The following PUDP variants were observed in gnomAD, a reference collection of about 807,000 sequenced individuals.
PUDP encodes pseudouridine-5'-phosphatase.
PUDP carries 8 observed loss-of-function variants against 9.4 expected under a neutral mutation model. The ratio of observed to expected loss-of-function variants is 0.85; its 90% CI spans 0.50 to 1.53. The LOEUF is 1.53. PUDP is among the 40% of genes most tolerant of loss of function. The pLI is 0.00. For synonymous variants in PUDP, 99 were observed against 80.7 expected, an observed-to-expected ratio of 1.23 and a Z score of -1.22; for missense variants, 188 against 189.7, an observed-to-expected ratio of 0.99 and a Z score of 0.05.
intron 1 of PUDP, among the ~76,000 whole-genome samples, chrX:6,710,504 A>T (rs750513696): frequency 3.0e-4 from 34 of 111,973 alleles, no homozygotes; most frequent in Non-Finnish European, 1.7e-4. Context: ...CAGGACTCAC[A>T]TCCCCTAAGT....
chrX:6,838,034 A>G (rs1218656930), intron 3 of PUDP, among the ~76,000 whole-genome samples: 1 of 112,099 alleles, frequency 8.9e-6, no homozygotes, highest in Admixed American at 9.5e-5. Flanking sequence ...AAATAAAGAC[A>G]AAATAATTTT....
rs1450490348 is a variant in PUDP, at chrX:7,148,140, G to GGCGAGGAGGAAGTGCGCGC, written c.-28_-27insGCGCGCACTTCCTCCTCGC. The GGCGAGGAGGAAGTGCGCGC allele has an allele frequency of 2.0e-5, 21 of 1,068,848 alleles. No individual in the cohort carries two copies. Among genetic ancestry groups the GGCGAGGAGGAAGTGCGCGC allele is most frequent in the Non-Finnish European group, 2.5e-5 (20 of 804,545 alleles). The allele number at this position is 1,068,848 out of a possible 1,213,427, so 88.1% of individuals were successfully genotyped here. On this transcript the variant is annotated 5_prime_UTR_variant, in exon 1 of 4. Coordinates refer to ENST00000381077, the MANE Select transcript of PUDP (RefSeq NM_012080.5). The stretch of plus-strand genomic sequence containing the variant: ...GTGGCGCCTTCTGGGTCTGGGTGGG[G>GGCGAGGAGGAAGTGCGCGC]GCGAGGAGGAAGTGCGCGCGCACCC...
At chrX:7,043,057 A>C (rs1929943674) in intron 1 of PUDP, among the ~76,000 whole-genome samples, 1 of 111,648 alleles carries the variant, frequency 9.0e-6, no homozygotes, top group Non-Finnish European at 1.9e-5. Context: ...GAGTCAGTAG[A>C]GTTAGTTTTT....
At chrX:7,103,084 T>TA (rs1160794936) in intron 2 of PUDP, among the ~76,000 whole-genome samples, 2 of 111,356 alleles carry the variant, frequency 1.8e-5, no homozygotes, top group African/African-American at 6.5e-5. Context: ...CTAAAATTCA[T>TA]AAAAAATCTC....
At chrX:7,009,494 C>T (rs1602711948) in intron 1 of PUDP, among the ~76,000 whole-genome samples, 1 of 112,181 alleles carries the variant, frequency 8.9e-6, no homozygotes, top group Non-Finnish European at 1.9e-5. Context: ...ATTAATTCTT[C>T]GGCCATACAG....
At chrX:7,143,658 T>C (rs1256020319) in intron 1 of PUDP, among the ~76,000 whole-genome samples, 1 of 112,384 alleles carries the variant, frequency 8.9e-6, no homozygotes, top group Non-Finnish European at 1.9e-5. Flanking sequence ...TATAATCTGA[T>C]GCTGTTTCTC....
At chrX:6,927,743 G>A (rs917277666) in intron 3 of PUDP, among the ~76,000 whole-genome samples, 1 of 111,452 alleles carries the variant, frequency 9.0e-6, no homozygotes, top group Non-Finnish European at 1.9e-5. Flanking sequence ...TCCCCAATCA[G>A]GTCTAGAAGC....
At chrX:6,728,113 TG>T (rs749264339) in intron 3 of PUDP, among the ~76,000 whole-genome samples, 1 of 111,185 alleles carries the variant, frequency 9.0e-6, no homozygotes, top group African/African-American at 3.3e-5. Context: ...ATGTGTTACA[TG>T]GTGGCAGACA....
intron 2 of PUDP, among the ~76,000 whole-genome samples, chrX:6,977,746 T>C (rs1212369349): frequency 8.9e-6 from 1 of 112,347 alleles, no homozygotes; most frequent in Admixed American, 9.4e-5. Flanking sequence ...CAGCTGAGGC[T>C]AAAATGCTGA....
chrX:7,031,391 T>C (rs1024126307), intron 1 of PUDP, among the ~76,000 whole-genome samples: 5 of 111,570 alleles, frequency 4.5e-5, no homozygotes, highest in Admixed American at 1.9e-4. Flanking sequence ...TTGGCTGACA[T>C]GTATCTCTGG....
chrX:6,729,668 A>T (rs1924785763), intron 3 of PUDP, among the ~76,000 whole-genome samples: 1 of 111,211 alleles, frequency 9.0e-6, no homozygotes, highest in African/African-American at 3.3e-5. Flanking sequence ...ACATACACAC[A>T]CACTCCTTTT....
At chrX:6,840,363 G>A (rs1303345753) in intron 3 of PUDP, among the ~76,000 whole-genome samples, 1 of 111,846 alleles carries the variant, frequency 8.9e-6, no homozygotes, top group Non-Finnish European at 1.9e-5. Context: ...AATACAGTAG[G>A]TAAATGGATA....
chrX:6,894,264 T>A (rs1384581645), intron 3 of PUDP, among the ~76,000 whole-genome samples: 5 of 110,953 alleles, frequency 4.5e-5, no homozygotes, highest in African/African-American at 1.6e-4. Context: ...AAATAAAAGT[T>A]GAAGGAAAAA....
At chrX:7,003,114 G>A (rs1400063475) in intron 1 of PUDP, among the ~76,000 whole-genome samples, 1 of 112,189 alleles carries the variant, frequency 8.9e-6, no homozygotes, top group Non-Finnish European at 1.9e-5. Flanking sequence ...ACAGTTTTAT[G>A]ACCAAAAGTG....
chrX:6,790,207 C>T (rs1925722962), intron 3 of PUDP, among the ~76,000 whole-genome samples: 3 of 111,075 alleles, frequency 2.7e-5, no homozygotes, highest in Admixed American at 9.6e-5. Context: ...TACAAACATA[C>T]ATAGATGGAT....
chrX:7,075,437 G>A (rs1188885009), intron 3 of PUDP, among the ~76,000 whole-genome samples: 3 of 111,440 alleles, frequency 2.7e-5, no homozygotes, highest in Non-Finnish European at 5.7e-5. Context: ...CCCGGGAGGT[G>A]GAGGTTGCAG....
chrX:7,056,288 G>A (rs918794145), intron 3 of PUDP, among the ~76,000 whole-genome samples: 2 of 111,705 alleles, frequency 1.8e-5, no homozygotes, highest in Admixed American at 9.4e-5. Context: ...AAGTGCCCAC[G>A]GCTCCCTTCT....
At chrX:6,860,835 T>A (rs1926991423) in intron 3 of PUDP, among the ~76,000 whole-genome samples, 2 of 112,240 alleles carry the variant, frequency 1.8e-5, no homozygotes, top group African/African-American at 6.5e-5. Flanking sequence ...TTATCCAAAC[T>A]CAAGGAAGAT....
chrX:7,049,570 T>A lies in PUDP; in HGVS notation c.*726A>T, dbSNP rs745754701. 8.9e-6 allele frequency: 1 copy of A among 112,025 alleles called. No individual in the cohort carries two copies. Among genetic ancestry groups the A allele is most frequent in the East Asian group, 2.8e-4 (1 of 3,548 alleles). 9.2% of individuals were successfully genotyped at this position (112,025 alleles called of 1,213,427 possible). ...TATGGATGACGTGGCACAGAGTCAG[T>A]CAATGAGGAAAGATCCAGAGACATT... On this transcript the variant is annotated 3_prime_UTR_variant, in exon 4 of 4. Transcript: ENST00000381077.
Sources: gnomAD v4.1 joint callset for allele counts (sites outside exome capture counted in the v4.1 genomes callset) on GRCh38, gnomAD v4.1.1 for gene constraint, MANE v1.5 for transcripts, NCBI Gene and HGNC (gene_info 2026-07-23, HGNC 2026-07-21) for gene names.